OSBPL5: variants seen among roughly 807,000 people sequenced by gnomAD.
The protein encoded by OSBPL5 is oxysterol binding protein like 5.
In OSBPL5, 71 loss-of-function variants were observed where a neutral mutation model predicts 111.2. That is an observed-to-expected ratio of 0.64 (90% CI 0.53 to 0.78). The LOEUF is 0.78. Ranked by LOEUF, OSBPL5 falls within the 30% of genes least tolerant of loss-of-function variation. The pLI, the probability that OSBPL5 is intolerant of heterozygous loss-of-function variation, is 0.00. For missense variants in OSBPL5, 1,210 were observed against 1,189.3 expected (o/e 1.02, Z -0.26); for synonymous variants, 549 against 513.9 (o/e 1.07, Z -0.93).
At position 3,142,164 on chromosome 11, in the gene OSBPL5, C is replaced by T. The variant is rs1846141259; in HGVS notation, c.-21-12995G>A. ...CAACTCCCGACCTCAAGTGATCTGC[C>T]CTCCTCGGCGTCCCAAAGTGCTGGG... On this transcript the variant is annotated intron_variant, in intron 1 of 21. Coordinates refer to ENST00000263650, the MANE Select transcript of OSBPL5 (RefSeq NM_020896.4). This position sits in a 1 kb window ranked among gnomAD's most constrained non-coding sequence, Gnocchi z 7.1. Among the ~76,000 whole-genome samples the T allele has an allele frequency of 6.6e-6, 1 of 152,208 alleles. No individual in the cohort carries two copies. The highest frequency in any genetic ancestry group is 2.4e-5 in the African/African-American group (1 of 41,460).
intron 14 of OSBPL5, among the ~76,000 whole-genome samples, chr11:3,095,563 G>T (rs2134392035): frequency 6.6e-6 from 1 of 152,264 alleles, no homozygotes; most frequent in South Asian, 2.1e-4. Context: ...CAAAGATGGG[G>T]CAATTTCAAT....
intron 1 of OSBPL5, among the ~76,000 whole-genome samples, chr11:3,136,230 C>G (rs925635832): frequency 6.6e-6 from 1 of 152,220 alleles, no homozygotes; most frequent in Admixed American, 6.5e-5. Flanking sequence ...TGCACATGGC[C>G]CCCCTGCCTC....
intron 1 of OSBPL5, among the ~76,000 whole-genome samples, chr11:3,156,475 C>T (rs1396965464): frequency 6.6e-6 from 1 of 152,104 alleles, no homozygotes; most frequent in Non-Finnish European, 1.5e-5. Flanking sequence ...ATGGATCCAT[C>T]CATATATAGT....
intron 12 of OSBPL5, 108 bp from the exon 13 acceptor site, chr11:3,101,807 T>G: frequency 2.3e-6 from 2 of 881,620 alleles, no homozygotes; most frequent in Non-Finnish European, 1.8e-6. Context: ...ACGCCACATC[T>G]TCTCCCCCGA....
intron 1 of OSBPL5, among the ~76,000 whole-genome samples, chr11:3,149,698 G>A (rs1375586835): frequency 6.6e-6 from 1 of 152,186 alleles, no homozygotes; most frequent in Non-Finnish European, 1.5e-5. Context: ...GGTGCTCCCC[G>A]AGGCCCCTGC....
At chr11:3,112,424 C>A (rs2134438918) in intron 7 of OSBPL5, among the ~76,000 whole-genome samples, 1 of 150,972 alleles carries the variant, frequency 6.6e-6, no homozygotes, top group Non-Finnish European at 1.5e-5. Flanking sequence ...AAGTTTGTCT[C>A]AGCTCTTAAA....
chr11:3,102,716 G>A (rs1175838607), intron 11 of OSBPL5, among the ~76,000 whole-genome samples: 3 of 152,134 alleles, frequency 2.0e-5, no homozygotes, highest in African/African-American at 7.2e-5. Flanking sequence ...GTGGAACCAC[G>A]GTCGTGGTTT....
chr11:3,114,591 A>ACTTTTTTTTTTTTTTTTTTTTTTTTTTT lies in OSBPL5; in HGVS notation c.691+4955_691+4956insAAAAAAAAAAAAAAAAAAAAAAAAAAAG, dbSNP rs774192603. ...GACTAAAGAATTGGTTAGAACAATGATTTTTTTTTTTTTTTTTTTTTTTTT... is the reference window on the plus strand; with the variant it reads ...GACTAAAGAATTGGTTAGAACAATGACTTTTTTTTTTTTTTTTTTTTTTTTTTTTTTTTTTTTTTTTTTTTTTTTTTTT... On this transcript the variant is annotated intron_variant, in intron 7 of 21. Coordinates refer to ENST00000263650, the MANE Select transcript of OSBPL5 (RefSeq NM_020896.4). Among the ~76,000 whole-genome samples, 15 of 113,900 alleles carry ACTTTTTTTTTTTTTTTTTTTTTTTTTTT rather than the reference A, an allele frequency of 1.3e-4. 7 individuals are homozygous for ACTTTTTTTTTTTTTTTTTTTTTTTTTTT. The allele number at this position is 113,900 out of a possible 152,430, so 74.7% of individuals were successfully genotyped here. A position where few individuals can be genotyped will look rare whatever the true frequency, so the allele number is the denominator to read the frequency against.
Position 3,104,514 on chromosome 11 carries a change from C to T in OSBPL5, c.1060-137G>A. On this transcript the variant is annotated intron_variant, in intron 9 of 21. Coordinates refer to ENST00000263650, the MANE Select transcript of OSBPL5 (RefSeq NM_020896.4). The surrounding 1 kb of genome is among the most constrained non-coding windows in gnomAD (Gnocchi z 5.0). ...TAAACCCCTGACCTGGCCTCCATGG[C>T]CTCATGAGGCTGACTCAGCCCCATC... 1 of 862,220 alleles carries T rather than the reference C, an allele frequency of 1.2e-6. No homozygotes were observed. 53.4% of individuals were successfully genotyped at this position (862,220 alleles called of 1,614,324 possible).
chr11:3,087,947 A>G lies in OSBPL5; in HGVS notation c.*258T>C, dbSNP rs1285886921. The G allele has an allele frequency of 7.3e-5, 26 of 355,156 alleles. No homozygotes were observed. The highest frequency in any genetic ancestry group is 1.0e-5 in the Non-Finnish European group (2 of 198,352). The allele number at this position is 355,156 out of a possible 1,614,324, so 22.0% of individuals were successfully genotyped here. On this transcript the variant is annotated 3_prime_UTR_variant, in exon 22 of 22. Transcript: ENST00000263650. ...GGCAAGATGGCCAGGAGTGCGTCGCACAGCAGAAGCTGCATTTGGCTTTAG... is the reference window on the plus strand; with the variant it reads ...GGCAAGATGGCCAGGAGTGCGTCGCGCAGCAGAAGCTGCATTTGGCTTTAG...
At position 3,112,071 on chromosome 11, in the gene OSBPL5, GTGCA is replaced by G. The variant is rs1857998553; in HGVS notation, c.692-4130_692-4127del. On this transcript the variant is annotated intron_variant, in intron 7 of 21. Transcript: ENST00000263650. The stretch of plus-strand genomic sequence containing the variant: ...CATGTGTGTGCATGTGTATGTGTGT[GTGCA>G]TGTGTGTGTGCATGTGTGTGTGCAT... Among the ~76,000 whole-genome samples, 4 of 58,600 alleles carry G rather than the reference GTGCA, an allele frequency of 6.8e-5. No homozygotes were observed. The South Asian group carries it at 3.0e-3, about 43-fold the overall frequency. 38.4% of individuals were successfully genotyped at this position (58,600 alleles called of 152,430 possible).
At chr11:3,119,810 T>A (rs1024550479) in intron 6 of OSBPL5, 179 bp from the exon 7 acceptor site, 1 of 545,456 alleles carries the variant, frequency 1.8e-6, no homozygotes, top group East Asian at 3.5e-5. Flanking sequence ...GAGAGGCGGG[T>A]AGGTGGGGGA....
intron 1 of OSBPL5, among the ~76,000 whole-genome samples, chr11:3,134,205 G>A (rs1338123531): frequency 6.6e-6 from 1 of 152,212 alleles, no homozygotes; most frequent in Non-Finnish European, 1.5e-5. Context: ...TCAGATGCTG[G>A]GTCGCCTCGT....
intron 6 of OSBPL5, 199 bp from the exon 7 acceptor site, chr11:3,119,830 C>G: frequency 3.8e-6 from 2 of 531,380 alleles, no homozygotes; most frequent in Non-Finnish European, 6.5e-6. Flanking sequence ...AGCTCTGTCC[C>G]CTTTCTTAGC....
intron 1 of OSBPL5, among the ~76,000 whole-genome samples, chr11:3,152,608 G>A (rs1205243037): frequency 2.0e-5 from 3 of 152,334 alleles, no homozygotes; most frequent in Middle Eastern, 3.4e-3. Context: ...TGCGAGGCGC[G>A]ATGGGCTCGG....
chr11:3,088,317 G>A lies in OSBPL5; in HGVS notation c.2528C>T (p.Thr843Met), dbSNP rs541744828. 91 of 1,596,304 alleles carry A rather than the reference G, an allele frequency of 5.7e-5. No individual in the cohort carries two copies. Among genetic ancestry groups the A allele is most frequent in the Admixed American group, 2.1e-4 (12 of 57,998 alleles). The change falls in exon 22 of 22, where the codon ACG becomes ATG. Residue 843 changes from threonine (T) to methionine (M), a missense_variant. Transcript: ENST00000263650. ...HRHLSAMLSSTARAAQAPTPG... is the reference protein window; with the variant it reads ...HRHLSAMLSSMARAAQAPTPG... ...GGTCGGTGCCTGTGCTGCCCGTGCC[G>A]TGGAGCTCAGCATGGCCGAGAGGTG... is the stretch of plus-strand genomic sequence containing the variant.
chr11:3,093,209 T>C (rs535344347), intron 17 of OSBPL5, among the ~76,000 whole-genome samples, 157 bp from the exon 18 acceptor site: 140 of 152,302 alleles, frequency 9.2e-4, no homozygotes, highest in Non-Finnish European at 1.4e-3. Flanking sequence ...AGAGAGCTTT[T>C]CTTTTGTCCA....
intron 1 of OSBPL5, among the ~76,000 whole-genome samples, chr11:3,136,692 C>T (rs998812050): frequency 6.6e-6 from 1 of 152,186 alleles, no homozygotes; most frequent in African/African-American, 2.4e-5. Context: ...CTGGGGAAGG[C>T]GCCTGCAGAG....
chr11:3,089,829 C>T lies in OSBPL5; in HGVS notation c.2501+17G>A, dbSNP rs940038274. 54 of 1,551,990 alleles carry T rather than the reference C, an allele frequency of 3.5e-5. No homozygotes were observed. Among genetic ancestry groups the T allele is most frequent in the Non-Finnish European group, 4.3e-5 (49 of 1,147,570 alleles). ...CTCTGACCCGGAGTCTGGATGGACA[C>T]CCTGAGTGTGGCCCACCTGTGCAGC... On this transcript the variant is annotated intron_variant, in intron 21 of 21. Coordinates refer to ENST00000263650, the MANE Select transcript of OSBPL5 (RefSeq NM_020896.4).
Sources: allele counts gnomAD v4.1 joint callset (sites outside exome capture counted in the v4.1 genomes callset), GRCh38; gene constraint gnomAD v4.1.1; non-coding constraint Gnocchi (gnomAD v3.1); transcripts MANE v1.5; gene names NCBI Gene and HGNC (gene_info 2026-07-23, HGNC 2026-07-21).